Variants in RAP1GAP2 observed in about 807,000 individuals in gnomAD.
RAP1GAP2 encodes RAP1 GTPase activating protein 2.
RAP1GAP2 carries 27 observed loss-of-function variants against 95.0 expected under a neutral mutation model. That is an observed-to-expected ratio of 0.28 (90% CI 0.21 to 0.39). The LOEUF is 0.39. Among genes scored for constraint, RAP1GAP2 ranks in the 10% least tolerant of loss-of-function variants. The pLI is 1.00. For missense variants in RAP1GAP2, 771 were observed against 970.0 expected (o/e 0.79, Z 2.72); for synonymous variants, 373 against 380.9 (o/e 0.98, Z 0.24).
chr17:2,895,940 C>T (rs957859570), intron 2 of RAP1GAP2, among the ~76,000 whole-genome samples: 21 of 152,060 alleles, frequency 1.4e-4, no homozygotes, highest in Admixed American at 9.8e-4. Context: ...CTGGGCATTG[C>T]GACACTGGTG....
At chr17:2,861,222 A>G (rs1245547290) in intron 2 of RAP1GAP2, among the ~76,000 whole-genome samples, 1 of 150,850 alleles carries the variant, frequency 6.6e-6, no homozygotes, top group Non-Finnish European at 1.5e-5. Context: ...TTACTGCTTT[A>G]CCCTGCTGTA....
intron 2 of RAP1GAP2, among the ~76,000 whole-genome samples, chr17:2,899,801 G>A (rs932542300): frequency 6.6e-6 from 1 of 152,200 alleles, no homozygotes; most frequent in Non-Finnish European, 1.5e-5. Flanking sequence ...ATGAGCCACT[G>A]CCCGTGGTCC....
chr17:2,848,638 C>T (rs549833009), intron 2 of RAP1GAP2, among the ~76,000 whole-genome samples: 26 of 152,040 alleles, frequency 1.7e-4, no homozygotes, highest in Non-Finnish European at 2.6e-4. Context: ...CTCAGCCTCC[C>T]GAGTAACTGG....
At chr17:2,876,229 G>A (rs1045968481) in intron 2 of RAP1GAP2, among the ~76,000 whole-genome samples, 7 of 152,080 alleles carry the variant, frequency 4.6e-5, no homozygotes, top group Admixed American at 2.6e-4. Flanking sequence ...GAGCCACCGC[G>A]CCTGGCTACA....
Position 3,000,345 on chromosome 17 carries a change from TACTC to T in RAP1GAP2, c.1200+1971_1200+1974del, listed in dbSNP as rs373992580. Among the ~76,000 whole-genome samples the T allele has an allele frequency of 8.5e-5, 13 of 152,386 alleles. No homozygotes were observed. In the East Asian group the frequency reaches 2.1e-3, roughly 25 times the overall value. On this transcript the variant is annotated intron_variant, in intron 14 of 24. Transcript: ENST00000254695. ...AAGTGTTGGTTGAAGCAAGTTGACT[TACTC>T]AGTGCCTACTGTGCGCCAAGCTCCA...
chr17:2,905,334 T>C lies in RAP1GAP2; in HGVS notation c.131T>C (p.Leu44Pro), dbSNP rs772081049. The change falls in exon 3 of 25, where the codon CTC becomes CCC. Residue 44 changes from leucine (L) to proline (P), a missense_variant. Transcript: ENST00000254695. ...SSDATLPDRPLSPPLTAPPTM... is the reference protein window; with the variant it reads ...SSDATLPDRPPSPPLTAPPTM... ...GATGCGACCCTCCCAGACCGGCCGC[T>C]CTCCCCTCCTCTCACGGCACCTCCC... 40 of 1,613,454 alleles carry C rather than the reference T, an allele frequency of 2.5e-5. No homozygotes were observed. Among genetic ancestry groups the C allele is most frequent in the Non-Finnish European group, 3.1e-5 (37 of 1,179,736 alleles).
chr17:2,945,784 TC>T lies in RAP1GAP2; in HGVS notation c.166-11974del, dbSNP rs1271995564. 6.6e-5 allele frequency among the ~76,000 whole-genome samples: 10 copies of T among 151,474 alleles called. No homozygotes were observed. In the South Asian group the frequency reaches 2.1e-3, roughly 32 times the overall value. On this transcript the variant is annotated intron_variant, in intron 3 of 24. Coordinates refer to ENST00000254695, the MANE Select transcript of RAP1GAP2 (RefSeq NM_015085.5). Reference sequence around the variant, plus strand: ...GTGATACATTGATTTTCTTTTTTTTTCTTTATTTTATTATTATTTTTTTTGA... The same window carrying T: ...GTGATACATTGATTTTCTTTTTTTTTTTTATTTTATTATTATTTTTTTTGA...
At chr17:2,914,603 G>T (rs1323201930) in intron 3 of RAP1GAP2, among the ~76,000 whole-genome samples, 2 of 151,704 alleles carry the variant, frequency 1.3e-5, no homozygotes, top group African/African-American at 4.8e-5. Context: ...CCATTCTCCT[G>T]CCTCAGCCTC....
chr17:2,832,376 G>A (rs1242815754), intron 2 of RAP1GAP2, among the ~76,000 whole-genome samples: 1 of 151,206 alleles, frequency 6.6e-6, no homozygotes, highest in Admixed American at 6.6e-5. Flanking sequence ...GGCTAAAACG[G>A]TGAAACCCCA....
In RAP1GAP2 at chr17:2,902,529, G is replaced by C. The variant is rs1475489627; in HGVS notation, c.81-2755G>C. Among the ~76,000 whole-genome samples the C allele has an allele frequency of 6.6e-5, 10 of 152,190 alleles. No homozygotes were observed. Among genetic ancestry groups the C allele is most frequent in the Admixed American group, 6.5e-4 (10 of 15,278 alleles). Reference sequence around the variant, plus strand: ...CCACCGCTCTGGGCCCAGTTCAGATGTTTTTGAGGGTGGCAGTCATGCCTT... The same window carrying C: ...CCACCGCTCTGGGCCCAGTTCAGATCTTTTTGAGGGTGGCAGTCATGCCTT... On this transcript the variant is annotated intron_variant, in intron 2 of 24. Coordinates refer to ENST00000254695, the MANE Select transcript of RAP1GAP2 (RefSeq NM_015085.5). The surrounding 1 kb of genome is among the most constrained non-coding windows in gnomAD (Gnocchi z 4.1).
chr17:2,815,636 C>T (rs2069978705), intron 2 of RAP1GAP2, among the ~76,000 whole-genome samples: 1 of 152,006 alleles, frequency 6.6e-6, no homozygotes, highest in Non-Finnish European at 1.5e-5. Context: ...CGCGCACCAC[C>T]ACGCCCAGCT....
chr17:2,915,527 G>A (rs570067735), intron 3 of RAP1GAP2, among the ~76,000 whole-genome samples: 11 of 152,004 alleles, frequency 7.2e-5, no homozygotes, highest in Middle Eastern at 3.5e-3. Context: ...GAGCCAACGC[G>A]CCTGGCCCAT....
At chr17:2,888,755 G>C (rs1184578408) in intron 2 of RAP1GAP2, among the ~76,000 whole-genome samples, 1 of 149,418 alleles carries the variant, frequency 6.7e-6, no homozygotes. Context: ...GGGTTCAAGT[G>C]ATTCTCCGGC....
At chr17:2,900,717 C>T (rs924644437) in intron 2 of RAP1GAP2, among the ~76,000 whole-genome samples, 7 of 152,172 alleles carry the variant, frequency 4.6e-5, no homozygotes, top group Non-Finnish European at 1.5e-5. Context: ...GCTGGGATTA[C>T]AGGTGAGAGC....
rs1389264653 is a variant in RAP1GAP2 at position 2,903,529 on chromosome 17, C to T, written c.81-1755C>T. Among the ~76,000 whole-genome samples the T allele has an allele frequency of 6.6e-6, 1 of 152,206 alleles. No individual in the cohort carries two copies. Among genetic ancestry groups the T allele is most frequent in the African/African-American group, 2.4e-5 (1 of 41,442 alleles). On this transcript the variant is annotated intron_variant, in intron 2 of 24. Coordinates refer to ENST00000254695, the MANE Select transcript of RAP1GAP2 (RefSeq NM_015085.5). This position sits in a 1 kb window ranked among gnomAD's most constrained non-coding sequence, Gnocchi z 4.1. ...GTGTGCACACACCTAGGAGCTATCT[C>T]AGCCCTGCTGGTTTCTTGAGCCAGT... is the stretch of plus-strand genomic sequence containing the variant.
intron 2 of RAP1GAP2, among the ~76,000 whole-genome samples, chr17:2,894,006 G>T (rs893046418): frequency 6.6e-6 from 1 of 152,206 alleles, no homozygotes; most frequent in Non-Finnish European, 1.5e-5. Context: ...AGCCGGCCAG[G>T]CGCTCATGTC....
At position 3,025,988 on chromosome 17, in the gene RAP1GAP2, C is replaced by T; in HGVS notation, c.1752-20C>T. 6.3e-7 allele frequency: 1 copy of T among 1,577,322 alleles called. No homozygotes were observed. Among genetic ancestry groups the T allele is most frequent in the Non-Finnish European group, 8.7e-7 (1 of 1,147,116 alleles). On this transcript the variant is annotated intron_variant, in intron 19 of 24. Transcript: ENST00000254695. ...TGAGGGCTGTCTCCGCGGCCTCACT[C>T]CTCATTTCCATTCCCTCAGTGACAG...
chr17:2,782,696 G>T (rs1473858109), intron 1 of RAP1GAP2, among the ~76,000 whole-genome samples: 1 of 152,162 alleles, frequency 6.6e-6, no homozygotes, highest in Non-Finnish European at 1.5e-5. Context: ...CATCCCAGGG[G>T]ATAGTAGGTC....
intron 3 of RAP1GAP2, among the ~76,000 whole-genome samples, chr17:2,939,261 T>C (rs1291570260): frequency 1.3e-5 from 2 of 152,150 alleles, no homozygotes; most frequent in African/African-American, 4.8e-5. Flanking sequence ...AGCTAATTTT[T>C]GTATTTTTAG....
Sources: allele counts gnomAD v4.1 joint callset (sites outside exome capture counted in the v4.1 genomes callset), GRCh38; gene constraint gnomAD v4.1.1; non-coding constraint Gnocchi (gnomAD v3.1); transcripts MANE v1.5; gene names NCBI Gene and HGNC (gene_info 2026-07-23, HGNC 2026-07-21).